Variants in THSD7B observed in about 807,000 individuals in gnomAD.
The protein encoded by THSD7B is thrombospondin type-1 domain-containing protein 7B.
THSD7B carries 138 observed loss-of-function variants against 213.6 expected under a neutral mutation model. The ratio of observed to expected loss-of-function variants is 0.65; its 90% CI spans 0.56 to 0.74. The LOEUF is 0.74. Among genes scored for constraint, THSD7B ranks in the 30% least tolerant of loss-of-function variants. THSD7B has a pLI of 0.00. For synonymous variants in THSD7B, 742 were observed against 687.0 expected, an observed-to-expected ratio of 1.08 and a Z score of -1.25; for missense variants, 1,931 against 1,991.5, an observed-to-expected ratio of 0.97 and a Z score of 0.58.
chr2:137,083,830 T>C (rs1687790124), intron 3 of THSD7B, among the ~76,000 whole-genome samples: 1 of 152,140 alleles, frequency 6.6e-6, no homozygotes, highest in Non-Finnish European at 1.5e-5. Flanking sequence ...GCTGCTGCCA[T>C]ATGGATAGCA....
chr2:136,804,403 AACACACACACACACACAC>A (rs3030361), intron 1 of THSD7B, among the ~76,000 whole-genome samples: 1 of 148,094 alleles, frequency 6.8e-6, no homozygotes, highest in Non-Finnish European at 1.5e-5. Context: ...ACACACACAT[AACACACACACACACACAC>A]ACACACACAC....
intron 5 of THSD7B, among the ~76,000 whole-genome samples, chr2:137,155,706 C>T (rs1478702634): frequency 6.6e-6 from 1 of 151,962 alleles, no homozygotes; most frequent in Non-Finnish European, 1.5e-5. Flanking sequence ...TTGATGGGGA[C>T]CATTTGGGAA....
intron 7 of THSD7B, among the ~76,000 whole-genome samples, chr2:137,189,608 C>A (rs71419529): frequency 0.046 from 6,997 of 152,004 alleles, 200 homozygotes; most frequent in Admixed American, 0.069. Context: ...AGGTTCCTGT[C>A]CTCAGGATTC....
intron 9 of THSD7B, among the ~76,000 whole-genome samples, chr2:137,238,297 C>A (rs989229657): frequency 2.0e-5 from 3 of 152,048 alleles, no homozygotes; most frequent in Non-Finnish European, 2.9e-5. Flanking sequence ...GACTCCTGGG[C>A]ACAGGAAGTT....
intron 2 of THSD7B, 37 bp downstream of exon 2, chr2:136,882,354 A>G: frequency 6.9e-7 from 1 of 1,452,866 alleles, no homozygotes; most frequent in Non-Finnish European, 9.1e-7. Flanking sequence ...TCCTATTTTC[A>G]TTAACAGGAA....
chr2:136,958,931 G>C (rs372187920), intron 2 of THSD7B, among the ~76,000 whole-genome samples: 1 of 152,154 alleles, frequency 6.6e-6, no homozygotes, highest in South Asian at 2.1e-4. Context: ...CATAGAATGT[G>C]GCGGGGGAGG....
At chr2:137,137,979 G>A (rs1313583096) in intron 5 of THSD7B, among the ~76,000 whole-genome samples, 1 of 152,008 alleles carries the variant, frequency 6.6e-6, no homozygotes, top group Non-Finnish European at 1.5e-5. Flanking sequence ...GTTCACTGCA[G>A]CCTCGACTTC....
chr2:137,349,890 C>T (rs1287369749), intron 12 of THSD7B, among the ~76,000 whole-genome samples: 1 of 151,736 alleles, frequency 6.6e-6, no homozygotes, highest in African/African-American at 2.4e-5. Flanking sequence ...TCCTAAATCC[C>T]AGATAAAGCA....
chr2:137,405,569 G>A, intron 12 of THSD7B, 44 bp from the exon 13 acceptor site: 3 of 1,534,778 alleles, frequency 2.0e-6, no homozygotes, highest in Non-Finnish European at 2.6e-6. Flanking sequence ...GCAGCTGACT[G>A]ATTTAATCAA....
chr2:137,308,844 T>G (rs1330049613), intron 12 of THSD7B, among the ~76,000 whole-genome samples: 1 of 152,124 alleles, frequency 6.6e-6, no homozygotes, highest in African/African-American at 2.4e-5. Context: ...TGCTAACACT[T>G]TGCAGACATA....
At chr2:136,855,008 T>C (rs1683155443) in intron 1 of THSD7B, among the ~76,000 whole-genome samples, 1 of 152,208 alleles carries the variant, frequency 6.6e-6, no homozygotes, top group Admixed American at 6.5e-5. Context: ...CTCAATGTGG[T>C]CTGCTGTGAT....
Position 136,829,857 on chromosome 2 carries a change from T to G in THSD7B, c.-35-52287T>G, listed in dbSNP as rs547640232. On this transcript the variant is annotated intron_variant, in intron 1 of 27. Transcript: ENST00000409968. Reference sequence around the variant, plus strand: ...TCTATTTTCCTTCTGTCTTACTACTTTAATCTTCATTTATAGAATAATTAT... The same window carrying G: ...TCTATTTTCCTTCTGTCTTACTACTGTAATCTTCATTTATAGAATAATTAT... Among the ~76,000 whole-genome samples the G allele has an allele frequency of 2.0e-5, 3 of 152,326 alleles. 1 individual carries two copies. In the South Asian group the frequency reaches 6.2e-4, roughly 32 times the overall value.
At chr2:137,017,989 T>C (rs1269078029) in intron 2 of THSD7B, among the ~76,000 whole-genome samples, 1 of 151,988 alleles carries the variant, frequency 6.6e-6, no homozygotes, top group Non-Finnish European at 1.5e-5. Flanking sequence ...CTTCCCTTTT[T>C]TTTTTTTTTA....
chr2:137,124,972 T>C (rs1688607312), intron 5 of THSD7B, among the ~76,000 whole-genome samples: 1 of 152,240 alleles, frequency 6.6e-6, no homozygotes, highest in Non-Finnish European at 1.5e-5. Context: ...TCTTCTAAGA[T>C]CTACTTCTCT....
intron 21 of THSD7B, among the ~76,000 whole-genome samples, chr2:137,647,923 T>G (rs1485504804): frequency 6.6e-6 from 1 of 152,162 alleles, no homozygotes; most frequent in Non-Finnish European, 1.5e-5. Context: ...TGCTTCTTAG[T>G]GTGAAAGTTT....
At chr2:137,572,740 A>C (rs1401745997) in intron 17 of THSD7B, among the ~76,000 whole-genome samples, 184 bp downstream of exon 17, 1 of 152,232 alleles carries the variant, frequency 6.6e-6, no homozygotes, top group African/African-American at 2.4e-5. Flanking sequence ...AGACTGAGCA[A>C]TTTAAAATGC....
chr2:137,035,815 A>G (rs1686764168), intron 2 of THSD7B, among the ~76,000 whole-genome samples: 1 of 152,174 alleles, frequency 6.6e-6, no homozygotes, highest in Admixed American at 6.5e-5. Flanking sequence ...AGGGCATCCC[A>G]TAACTATAAT....
intron 12 of THSD7B, among the ~76,000 whole-genome samples, chr2:137,398,765 C>G (rs12618888): frequency 2.6e-5 from 4 of 152,096 alleles, no homozygotes; most frequent in South Asian, 2.1e-4. Flanking sequence ...CCCCCAGCCT[C>G]GCTGCTGCCT....
intron 12 of THSD7B, among the ~76,000 whole-genome samples, chr2:137,300,798 A>T (rs6745992): frequency 0.061 from 9,350 of 152,190 alleles, 538 homozygotes; most frequent in African/African-American, 0.14. Context: ...ATAGGACAAG[A>T]AAGAGAATGG....
Sources: gnomAD v4.1 joint callset for allele counts (sites outside exome capture counted in the v4.1 genomes callset) on GRCh38, gnomAD v4.1.1 for gene constraint, MANE v1.5 for transcripts, NCBI Gene and HGNC (gene_info 2026-07-23, HGNC 2026-07-21) for gene names.